ADCYAP1R1: variants seen among roughly 807,000 people sequenced by gnomAD.
The protein encoded by ADCYAP1R1 is ADCYAP receptor type I.
Under a neutral mutation model 67.6 loss-of-function variants are expected in ADCYAP1R1, and 44 were observed. That is an observed-to-expected ratio of 0.65 (90% CI 0.51 to 0.84). The LOEUF is 0.84. ADCYAP1R1 is among the 40% of genes least tolerant of loss of function. The pLI is 0.00. For missense variants in ADCYAP1R1, 477 were observed against 587.9 expected (o/e 0.81, Z 1.95); for synonymous variants, 222 against 219.6 (o/e 1.01, Z -0.10).
chr7:31,054,017 C>T (rs1461996720), intron 1 of ADCYAP1R1, among the ~76,000 whole-genome samples: 1 of 152,186 alleles, frequency 6.6e-6, no homozygotes, highest in Non-Finnish European at 1.5e-5. Context: ...GTGCTGGGTA[C>T]AAGTAGCACT....
intron 1 of ADCYAP1R1, among the ~76,000 whole-genome samples, chr7:31,058,719 C>A (rs1794364921): frequency 6.6e-6 from 1 of 152,162 alleles, no homozygotes; most frequent in South Asian, 2.1e-4. Context: ...ACCTGACCAG[C>A]CCCTGGAGGT....
At chr7:31,095,406 G>C (rs1796147321) in intron 13 of ADCYAP1R1, among the ~76,000 whole-genome samples, 1 of 152,138 alleles carries the variant, frequency 6.6e-6, no homozygotes, top group Non-Finnish European at 1.5e-5. Flanking sequence ...TGGAAGAAGA[G>C]GCCCCTGGTG....
chr7:31,060,301 A>G (rs1220981469), intron 1 of ADCYAP1R1, among the ~76,000 whole-genome samples: 4 of 152,308 alleles, frequency 2.6e-5, no homozygotes, highest in Admixed American at 2.6e-4. Flanking sequence ...AGTATATCTT[A>G]TTGCCTCTCT....
At chr7:31,071,822 A>G (rs2128621424) in intron 3 of ADCYAP1R1, among the ~76,000 whole-genome samples, 1 of 152,088 alleles carries the variant, frequency 6.6e-6, no homozygotes, top group African/African-American at 2.4e-5. Flanking sequence ...CCAGCTGCCT[A>G]CTTCGACAGC....
At chr7:31,104,263 G>A (rs1383356868) in intron 14 of ADCYAP1R1, among the ~76,000 whole-genome samples, 13 of 151,990 alleles carry the variant, frequency 8.6e-5, no homozygotes, top group Non-Finnish European at 1.5e-5. Flanking sequence ...ACCTTCAAAC[G>A]ACAGCACAGG....
chr7:31,074,527 G>A (rs1795125832), intron 3 of ADCYAP1R1, among the ~76,000 whole-genome samples: 1 of 152,180 alleles, frequency 6.6e-6, no homozygotes, highest in South Asian at 2.1e-4. Flanking sequence ...GCTCTGAAGT[G>A]GCCCTGTGAC....
rs370733336 is a variant in ADCYAP1R1 at position 31,084,093 on chromosome 7, G to A, written c.329-48G>A. On this transcript the variant is annotated intron_variant, in intron 6 of 15. Transcript: ENST00000304166. ...GTAATTTTTGCATAAGAATTTCAGG[G>A]CCCTCTTAATCATTTCTGGGCCTCG... 6.1e-4 allele frequency: 929 copies of A among 1,516,558 alleles called. 4 individuals are homozygous for A. Among genetic ancestry groups the A allele is most frequent in the Non-Finnish European group, 6.3e-4 (685 of 1,093,008 alleles). 93.9% of individuals were successfully genotyped at this position (1,516,558 alleles called of 1,614,324 possible).
At chr7:31,069,947 C>A (rs1002592908) in intron 3 of ADCYAP1R1, among the ~76,000 whole-genome samples, 1 of 152,206 alleles carries the variant, frequency 6.6e-6, no homozygotes, top group Non-Finnish European at 1.5e-5. Context: ...TTGTTCCAAA[C>A]CCCCAAATGC....
chr7:31,084,622 G>A (rs910038377), intron 7 of ADCYAP1R1, 115 bp from the exon 8 acceptor site: 2 of 834,638 alleles, frequency 2.4e-6, no homozygotes, highest in African/African-American at 1.7e-5. Context: ...GAGGAAGGAG[G>A]AGCTAGGCCT....
chr7:31,068,215 G>A lies in ADCYAP1R1; in HGVS notation c.157+3279G>A, dbSNP rs56385844. Among the ~76,000 whole-genome samples the A allele has an allele frequency of 1.0e-4, 15 of 150,002 alleles. No homozygotes were observed. In the South Asian group the frequency reaches 1.1e-3, roughly 11 times the overall value. ...CTCAGACACGCACGCATGTGCGCGC[G>A]CACACACACACACACACACACACGT... On this transcript the variant is annotated intron_variant, in intron 3 of 15. Transcript: ENST00000304166.
intron 12 of ADCYAP1R1, among the ~76,000 whole-genome samples, chr7:31,087,957 A>G (rs1425085862): frequency 1.3e-5 from 2 of 152,252 alleles, no homozygotes; most frequent in African/African-American, 2.4e-5. Flanking sequence ...TTTCTTTAGA[A>G]TAAATCCTTA....
intron 6 of ADCYAP1R1, 101 bp from the exon 7 acceptor site, chr7:31,084,040 G>A: frequency 1.0e-6 from 1 of 965,136 alleles, no homozygotes; most frequent in Non-Finnish European, 1.6e-6. Context: ...GTTGGTCATA[G>A]GGGTTTCCAG....
At position 31,080,628 on chromosome 7, in the gene ADCYAP1R1, C is replaced by G. The variant is rs764997401; in HGVS notation, c.281C>G (p.Thr94Ser). 3 of 1,613,886 alleles carry G rather than the reference C, an allele frequency of 1.9e-6. No homozygotes were observed. Among genetic ancestry groups the G allele is most frequent in the Middle Eastern group, 1.7e-4 (1 of 6,042 alleles). The change falls in exon 5 of 16, where the codon ACC (threonine) becomes AGC (serine). Residue 94 changes from threonine to serine, a missense_variant. Transcript: ENST00000304166. ...FNPDQVWETE[T>S]IGESDFGDSN... ...TCTGTTTCAGTCTGGGAGACCGAAA[C>G]CATTGGTAAGAGGAACCTTGGTGAG...
chr7:31,057,379 T>G (rs556880986), intron 1 of ADCYAP1R1, among the ~76,000 whole-genome samples: 2 of 152,204 alleles, frequency 1.3e-5, no homozygotes, highest in Non-Finnish European at 2.9e-5. Flanking sequence ...AGCATGACCT[T>G]GGGGAAGTTT....
intron 4 of ADCYAP1R1, among the ~76,000 whole-genome samples, chr7:31,079,091 C>T (rs950553176): frequency 1.3e-5 from 2 of 152,172 alleles, no homozygotes; most frequent in African/African-American, 4.8e-5. Context: ...GATGCTCTAC[C>T]CACAGGCAGA....
Position 31,109,501 on chromosome 7 carries a change from G to A in ADCYAP1R1, c.*2817G>A, listed in dbSNP as rs1228708469. ...AGGAAAGGATAAGAAATCCTGTCAT[G>A]TGAAGACAGCTTGAGAGGCTTGAGA... is the stretch of plus-strand genomic sequence containing the variant. On this transcript the variant is annotated 3_prime_UTR_variant, in exon 16 of 16. Coordinates refer to ENST00000304166, the MANE Select transcript of ADCYAP1R1 (RefSeq NM_001118.5). The A allele has an allele frequency of 3.9e-5, 6 of 152,214 alleles. No individual in the cohort carries two copies. Among genetic ancestry groups the A allele is most frequent in the Non-Finnish European group, 7.3e-5 (5 of 68,058 alleles). The allele number at this position is 152,214 out of a possible 1,614,324, so 9.4% of individuals were successfully genotyped here.
chr7:31,110,819 G>C lies in ADCYAP1R1; in HGVS notation c.*4135G>C, dbSNP rs1331235052. 6.6e-6 allele frequency: 1 copy of C among 152,210 alleles called. No homozygotes were observed. The highest frequency in any genetic ancestry group is 1.5e-5 in the Non-Finnish European group (1 of 68,060). 9.4% of individuals were successfully genotyped at this position (152,210 alleles called of 1,614,324 possible). On this transcript the variant is annotated 3_prime_UTR_variant, in exon 16 of 16. Transcript: ENST00000304166. The stretch of plus-strand genomic sequence containing the variant: ...TTCATTGGCATTGTTAGTCCCACAG[G>C]CCAAGGATAAGGTTGAAATGAGACG...
At chr7:31,099,025 T>A (rs1796327896) in intron 13 of ADCYAP1R1, among the ~76,000 whole-genome samples, 1 of 152,094 alleles carries the variant, frequency 6.6e-6, no homozygotes, top group Non-Finnish European at 1.5e-5. Context: ...CTCTGACACA[T>A]CTGTCAGAGA....
chr7:31,103,184 TG>T, intron 13 of ADCYAP1R1, 52 bp from the exon 14 acceptor site: 1 of 1,597,110 alleles, frequency 6.3e-7, no homozygotes, highest in South Asian at 1.1e-5. Context: ...TCCGTGGCTC[TG>T]GCCCCGAGCC....
Sources: gnomAD v4.1 joint callset for allele counts (sites outside exome capture counted in the v4.1 genomes callset) on GRCh38, gnomAD v4.1.1 for gene constraint, MANE v1.5 for transcripts, NCBI Gene and HGNC (gene_info 2026-07-23, HGNC 2026-07-21) for gene names.